Variants in LYPD6 observed in about 807,000 individuals in gnomAD.
LYPD6 encodes the protein LY6/PLAUR domain containing 6, also known as ly6/PLAUR domain-containing protein 6.
LYPD6 carries 15 observed loss-of-function variants against 22.7 expected under a neutral mutation model. The ratio of observed to expected loss-of-function variants is 0.66; its 90% confidence interval spans 0.44 to 1.02. LYPD6 has a LOEUF of 1.02. Ranked by LOEUF, LYPD6 falls within the 50% of genes least tolerant of loss-of-function variation. LYPD6 has a pLI of 0.00. For synonymous variants in LYPD6, 72 were observed against 77.5 expected (o/e 0.93, Z 0.37); for missense variants, 189 against 208.4 (o/e 0.91, Z 0.57).
chr2:149,461,308 T>C (rs1244160141), intron 3 of LYPD6, among the ~76,000 whole-genome samples: 1 of 151,862 alleles, frequency 6.6e-6, no homozygotes, highest in Non-Finnish European at 1.5e-5. Flanking sequence ...TTAGATGAAA[T>C]GGACCATAAC....
At chr2:149,339,181 A>G (rs1188857120) in intron 1 of LYPD6, among the ~76,000 whole-genome samples, 1 of 152,190 alleles carries the variant, frequency 6.6e-6, no homozygotes, top group African/African-American at 2.4e-5. Flanking sequence ...CTCCAAGACT[A>G]ACACAGACCA....
chr2:149,343,264 A>G (rs536825004), intron 1 of LYPD6, among the ~76,000 whole-genome samples: 1 of 152,326 alleles, frequency 6.6e-6, no homozygotes, highest in Non-Finnish European at 1.5e-5. Context: ...ATGGAAAGGA[A>G]GAGTGGGCAG....
intron 1 of LYPD6, among the ~76,000 whole-genome samples, chr2:149,404,070 C>G (rs1682631146): frequency 6.6e-6 from 1 of 152,114 alleles, no homozygotes; most frequent in Non-Finnish European, 1.5e-5. Context: ...TCTGAAGGCT[C>G]TGTTCTGTTC....
At chr2:149,377,368 A>G (rs1681946774) in intron 1 of LYPD6, among the ~76,000 whole-genome samples, 1 of 151,804 alleles carries the variant, frequency 6.6e-6, no homozygotes, top group Non-Finnish European at 1.5e-5. Flanking sequence ...CACCGCACAC[A>G]GGAGCTGCTT....
chr2:149,398,032 A>G (rs1682463391), intron 1 of LYPD6, among the ~76,000 whole-genome samples: 1 of 152,248 alleles, frequency 6.6e-6, no homozygotes, highest in Non-Finnish European at 1.5e-5. Context: ...TAAAGAGGGA[A>G]CACGGTAAGA....
At position 149,449,145 on chromosome 2, in the gene LYPD6, G is replaced by A. The variant is rs757780218; in HGVS notation, c.215G>A (p.Arg72Gln). ...NRWAPDIYCP[R>Q]ETRYCYTQHT... ...TGGGCTCCAGACATCTACTGCCCTC[G>A]AGGTAAACTCTCAGTAGACTGATTG... The change falls in exon 3 of 5, where the codon CGA becomes CAA. Residue 72 changes from arginine to glutamine, a missense_variant and splice_region_variant. Physicochemically the swap from Arg to Gln is conservative, Grantham distance 43. Coordinates refer to ENST00000334166, the MANE Select transcript of LYPD6 (RefSeq NM_194317.5). 1.2e-6 allele frequency: 2 copies of A among 1,609,180 alleles called. No individual in the cohort carries two copies. The highest frequency in any genetic ancestry group is 1.7e-5 in the Admixed American group (1 of 59,772).
chr2:149,435,015 A>G (rs1416701426), intron 1 of LYPD6, among the ~76,000 whole-genome samples: 4 of 152,146 alleles, frequency 2.6e-5, no homozygotes, highest in African/African-American at 4.8e-5. Flanking sequence ...GATTGTGACT[A>G]TATTTGGAGA....
At chr2:149,421,777 A>G (rs1355938261) in intron 1 of LYPD6, among the ~76,000 whole-genome samples, 14 of 152,148 alleles carry the variant, frequency 9.2e-5, no homozygotes, top group South Asian at 2.1e-4. Context: ...CATAAGTAGT[A>G]TCATAATTAA....
chr2:149,339,366 T>G (rs907809787), intron 1 of LYPD6, among the ~76,000 whole-genome samples: 2 of 152,020 alleles, frequency 1.3e-5, no homozygotes, highest in Non-Finnish European at 2.9e-5. Flanking sequence ...CCCCTAGGAG[T>G]TGATATCTCT....
chr2:149,359,898 T>G (rs1681538552), intron 1 of LYPD6, among the ~76,000 whole-genome samples: 2 of 152,076 alleles, frequency 1.3e-5, no homozygotes, highest in Non-Finnish European at 2.9e-5. Context: ...GAAAGTAAGT[T>G]TATTAAGGAA....
At chr2:149,373,386 G>C (rs536017883) in intron 1 of LYPD6, among the ~76,000 whole-genome samples, 5 of 152,278 alleles carry the variant, frequency 3.3e-5, no homozygotes, top group African/African-American at 1.2e-4. Context: ...AAAGCAATGA[G>C]AATGCATGAA....
rs1350861566 is a variant in LYPD6 at position 149,403,454 on chromosome 2, T to A, written c.-71-34184T>A. Among the ~76,000 whole-genome samples the A allele has an allele frequency of 4.8e-3, 716 of 149,502 alleles. 3 individuals are homozygous for A. The highest frequency in any genetic ancestry group is 0.017 in the African/African-American group (672 of 40,206). ...GGTGTGAGATGGTATCTCATTGTGGTTTTGATTTGCATTTCTCTGATGGCC... is the reference window on the plus strand; with the variant it reads ...GGTGTGAGATGGTATCTCATTGTGGATTTGATTTGCATTTCTCTGATGGCC... On this transcript the variant is annotated intron_variant, in intron 1 of 4. Coordinates refer to ENST00000334166, the MANE Select transcript of LYPD6 (RefSeq NM_194317.5).
chr2:149,428,847 A>G (rs559609357), intron 1 of LYPD6, among the ~76,000 whole-genome samples: 1 of 152,216 alleles, frequency 6.6e-6, no homozygotes, highest in Non-Finnish European at 1.5e-5. Flanking sequence ...CAATTTTTAG[A>G]GAAGAAAATA....
intron 2 of LYPD6, among the ~76,000 whole-genome samples, chr2:149,447,499 A>G (rs1683715114): frequency 6.6e-6 from 1 of 152,220 alleles, no homozygotes; most frequent in African/African-American, 2.4e-5. Flanking sequence ...GCTTCTATGG[A>G]CATGGGTCCG....
chr2:149,458,547 C>G (rs1681018208), intron 3 of LYPD6, among the ~76,000 whole-genome samples: 1 of 151,910 alleles, frequency 6.6e-6, no homozygotes, highest in Non-Finnish European at 1.5e-5. Flanking sequence ...TAAAAAAAAC[C>G]ACTTGTCATA....
At chr2:149,334,224 A>G (rs116062435) in intron 1 of LYPD6, among the ~76,000 whole-genome samples, 185 of 152,326 alleles carry the variant, frequency 1.2e-3, no homozygotes, top group African/African-American at 4.2e-3. Flanking sequence ...CAGGCATACT[A>G]GAAATGGGAT....
At chr2:149,349,397 A>G (rs889516153) in intron 1 of LYPD6, among the ~76,000 whole-genome samples, 1 of 152,154 alleles carries the variant, frequency 6.6e-6, no homozygotes, top group African/African-American at 2.4e-5. Context: ...AAAGTGTGGG[A>G]CTTGGACTGG....
chr2:149,452,049 T>A (rs1680837051), intron 3 of LYPD6, among the ~76,000 whole-genome samples: 1 of 152,182 alleles, frequency 6.6e-6, no homozygotes, highest in Non-Finnish European at 1.5e-5. Flanking sequence ...GCAGTAGCTC[T>A]ACAACTTGGA....
intron 1 of LYPD6, among the ~76,000 whole-genome samples, chr2:149,363,477 C>T (rs554455240): frequency 7.8e-4 from 119 of 152,260 alleles, no homozygotes; most frequent in South Asian, 5.0e-3. Flanking sequence ...GTGGCCACAG[C>T]GCTGTATCCT....
Sources: allele counts gnomAD v4.1 joint callset (sites outside exome capture counted in the v4.1 genomes callset), GRCh38; gene constraint gnomAD v4.1.1; transcripts MANE v1.5; gene names NCBI Gene and HGNC (gene_info 2026-07-23, HGNC 2026-07-21).